Variants in SMAD3 observed in about 807,000 individuals in gnomAD.
SMAD3 encodes SMAD family member 3, also known as MAD homolog 3.
Under a neutral mutation model 51.8 loss-of-function variants are expected in SMAD3, and 12 were observed. That is an observed-to-expected ratio of 0.23 (90% CI 0.15 to 0.38). The LOEUF is 0.38. SMAD3 is among the 10% of genes least tolerant of loss of function. The pLI is 1.00. For synonymous variants in SMAD3, 238 were observed against 227.7 expected (o/e 1.05, Z -0.41); for missense variants, 294 against 565.6 (o/e 0.52, Z 4.87).
At chr15:67,081,420 G>T (rs1455236165) in intron 1 of SMAD3, among the ~76,000 whole-genome samples, 3 of 152,082 alleles carry the variant, frequency 2.0e-5, no homozygotes, top group Non-Finnish European at 2.9e-5. Flanking sequence ...CCTGTGTGCC[G>T]CAGTAAGCCA....
chr15:67,144,134 C>G (rs1961909984), intron 1 of SMAD3, among the ~76,000 whole-genome samples: 1 of 152,342 alleles, frequency 6.6e-6, no homozygotes, highest in Non-Finnish European at 1.5e-5. Flanking sequence ...CCTCCTGCCT[C>G]TTTGCAATTT....
At chr15:67,104,022 G>A (rs2140227336) in intron 1 of SMAD3, among the ~76,000 whole-genome samples, 1 of 152,280 alleles carries the variant, frequency 6.6e-6, no homozygotes, top group Non-Finnish European at 1.5e-5. Context: ...GGGGTGCGTA[G>A]CCGAGAAAGT....
intron 1 of SMAD3, among the ~76,000 whole-genome samples, chr15:67,077,111 G>C (rs538561273): frequency 2.0e-5 from 3 of 152,294 alleles, no homozygotes; most frequent in South Asian, 4.1e-4. Context: ...GTCAAGGCAG[G>C]ATGATAGAAC....
At chr15:67,128,540 AT>A (rs559138116) in intron 1 of SMAD3, among the ~76,000 whole-genome samples, 2,549 of 150,396 alleles carry the variant, frequency 0.017, 78 homozygotes, top group African/African-American at 0.058. Flanking sequence ...TATTCATAAG[AT>A]TTTTTTTTTC....
At chr15:67,135,445 G>T (rs759304597) in intron 1 of SMAD3, among the ~76,000 whole-genome samples, 9 of 152,168 alleles carry the variant, frequency 5.9e-5, no homozygotes, top group Non-Finnish European at 1.3e-4. Flanking sequence ...TCATTGTTAA[G>T]ATTAGATAAT....
At chr15:67,185,737 T>TA (rs1451937505) in intron 7 of SMAD3, among the ~76,000 whole-genome samples, 1 of 151,762 alleles carries the variant, frequency 6.6e-6, no homozygotes, top group East Asian at 1.9e-4. Context: ...TGATCCCATC[T>TA]AAGGCCTCTT....
intron 1 of SMAD3, among the ~76,000 whole-genome samples, chr15:67,159,661 T>G (rs1962374679): frequency 7.7e-6 from 1 of 130,008 alleles, no homozygotes; most frequent in African/African-American, 3.2e-5. Flanking sequence ...CTCCCTCCAA[T>G]CCCTACTCCC....
chr15:67,099,558 G>A (rs1019952366), intron 1 of SMAD3, among the ~76,000 whole-genome samples: 12 of 152,158 alleles, frequency 7.9e-5, no homozygotes, highest in African/African-American at 2.4e-4. Context: ...CCAGAGGTCC[G>A]CATACATTGG....
At chr15:67,104,609 C>G (rs774232348) in intron 1 of SMAD3, among the ~76,000 whole-genome samples, 61 of 152,118 alleles carry the variant, frequency 4.0e-4, no homozygotes, top group Non-Finnish European at 6.3e-4. Flanking sequence ...CATGAGTGCC[C>G]TCTGTTCCGT....
At chr15:67,085,865 C>T (rs4776882) in intron 1 of SMAD3, among the ~76,000 whole-genome samples, 35,599 of 130,310 alleles carry the variant, frequency 0.27, 5,291 homozygotes, top group South Asian at 0.46. Flanking sequence ...AAAAAAAAAG[C>T]GTGCACACAC....
At chr15:67,170,447 C>G in intron 4 of SMAD3, 107 bp from the exon 5 acceptor site, 1 of 929,806 alleles carries the variant, frequency 1.1e-6, no homozygotes, top group South Asian at 1.3e-5. Flanking sequence ...CCAGGGTTTT[C>G]TTTCTGCTGT....
At chr15:67,135,304 C>G (rs1961630633) in intron 1 of SMAD3, among the ~76,000 whole-genome samples, 1 of 152,286 alleles carries the variant, frequency 6.6e-6, no homozygotes, top group African/African-American at 2.4e-5. Flanking sequence ...ACCAAAAATC[C>G]AGGGGCAGCC....
chr15:67,094,057 C>T (rs1164814823), intron 1 of SMAD3, among the ~76,000 whole-genome samples: 1 of 152,230 alleles, frequency 6.6e-6, no homozygotes, highest in Non-Finnish European at 1.5e-5. Context: ...CTTCCCAGGC[C>T]CACACTTCCA....
intron 5 of SMAD3, among the ~76,000 whole-genome samples, chr15:67,176,598 T>A (rs1402428153): frequency 6.6e-6 from 1 of 152,268 alleles, no homozygotes; most frequent in African/African-American, 2.4e-5. Flanking sequence ...AGGCATCCCT[T>A]AATCCAAGTG....
At chr15:67,131,062 G>T (rs1961514379) in intron 1 of SMAD3, among the ~76,000 whole-genome samples, 1 of 152,242 alleles carries the variant, frequency 6.6e-6, no homozygotes, top group South Asian at 2.1e-4. Context: ...AATTGAGCAA[G>T]CTCTTGAATG....
intron 1 of SMAD3, among the ~76,000 whole-genome samples, chr15:67,110,029 A>G: frequency 6.6e-6 from 1 of 152,242 alleles, no homozygotes; most frequent in Non-Finnish European, 1.5e-5. Context: ...ATGACCAAGA[A>G]GAATGTTTGC....
At chr15:67,105,923 A>G (rs987512800) in intron 1 of SMAD3, among the ~76,000 whole-genome samples, 2 of 152,156 alleles carry the variant, frequency 1.3e-5, no homozygotes, top group African/African-American at 4.8e-5. Context: ...CCGTCTGCAC[A>G]GCCTCCTCCA....
intron 1 of SMAD3, among the ~76,000 whole-genome samples, chr15:67,118,552 C>G (rs1419551182): frequency 6.6e-6 from 1 of 152,140 alleles, no homozygotes; most frequent in Non-Finnish European, 1.5e-5. Context: ...GTAAAGAGAT[C>G]ACTATTGTCA....
At chr15:67,131,510 G>C (rs1367234873) in intron 1 of SMAD3, among the ~76,000 whole-genome samples, 1 of 152,224 alleles carries the variant, frequency 6.6e-6, no homozygotes, top group Non-Finnish European at 1.5e-5. Context: ...AATGGTGGCT[G>C]ATGTCTGTTG....
Sources: allele counts gnomAD v4.1 joint callset (sites outside exome capture counted in the v4.1 genomes callset), GRCh38; gene constraint gnomAD v4.1.1; transcripts MANE v1.5; gene names NCBI Gene and HGNC (gene_info 2026-07-23, HGNC 2026-07-21).